Variants in DCAF4L1 observed in about 807,000 individuals in gnomAD.
DCAF4L1 encodes the protein DDB1- and CUL4-associated factor 4-like protein 1.
Under a neutral mutation model 28.2 loss-of-function variants are expected in DCAF4L1, and 4 were observed. That is an observed-to-expected ratio of 0.14 (90% CI 0.07 to 0.33). The LOEUF (loss-of-function observed/expected upper bound fraction) is 0.33, where lower values mean the gene tolerates loss of function less well. DCAF4L1 is among the 10% of genes least tolerant of loss of function. The probability of loss-of-function intolerance (pLI) is 1.00; values close to 1 mark genes in which losing one functional copy is unlikely to be tolerated. For missense variants in DCAF4L1, 331 were observed against 506.1 expected (o/e 0.65, Z 3.32); for synonymous variants, 252 against 212.1 (o/e 1.19, Z -1.63).
rs1281224909 is a variant in DCAF4L1 at position 41,982,264 on chromosome 4, C to T, written c.472C>T (p.Leu158=). The change falls in exon 1 of 1, where the codon CTG becomes TTG. Residue 158 remains leucine, a synonymous_variant. Transcript: ENST00000333141. The surrounding 1 kb of genome is among the most constrained non-coding windows in gnomAD (Gnocchi z 4.4). The stretch of plus-strand genomic sequence containing the variant: ...CACAGATGCTCCAAGCTGTGCAGTG[C>T]TGCTCCCAGCGTCGCGGTTCTTAAG... ...GITDAPSCAV[L]LPASRFLSVH... 1 of 1,614,114 alleles carries T rather than the reference C, an allele frequency of 6.2e-7. No homozygotes were observed. The highest frequency in any genetic ancestry group is 1.3e-5 in the African/African-American group (1 of 74,934).
chr4:41,985,762 TAAAG>T lies in DCAF4L1; in HGVS notation c.*2781_*2784del, dbSNP rs1335462558. ...AAATCCTGCAAACATAATGTTGAAA[TAAAG>T]ATGCCAAACACAAAAGAGCACATAT... On this transcript the variant is annotated 3_prime_UTR_variant, in exon 1 of 1. Transcript: ENST00000333141. 1 of 166,992 alleles carries T rather than the reference TAAAG, an allele frequency of 6.0e-6. No homozygotes were observed. The highest frequency in any genetic ancestry group is 1.5e-5 in the Non-Finnish European group (1 of 68,106). 10.3% of individuals were successfully genotyped at this position (166,992 alleles called of 1,614,324 possible).
chr4:41,985,936 C>T lies in DCAF4L1; in HGVS notation c.*2953C>T, dbSNP rs1045427078. On this transcript the variant is annotated 3_prime_UTR_variant, in exon 1 of 1. Transcript: ENST00000333141. ...CTAGCAATGCTGGTGTCATGCCAGA[C>T]CCCTAGTGACTCCAATAGTAATGGC... 1.2e-5 allele frequency: 2 copies of T among 167,078 alleles called. No individual in the cohort carries two copies. The highest frequency in any genetic ancestry group is 2.9e-5 in the Non-Finnish European group (2 of 68,126). The allele number at this position is 167,078 out of a possible 1,614,324, so 10.3% of individuals were successfully genotyped here. A position where few individuals can be genotyped will look rare whatever the true frequency, so the allele number is the denominator to read the frequency against.
At position 41,983,120 on chromosome 4, in the gene DCAF4L1, T is replaced by C; in HGVS notation, c.*137T>C. The C allele has an allele frequency of 1.4e-6, 1 of 736,118 alleles. No homozygotes were observed. Among genetic ancestry groups the C allele is most frequent in the South Asian group, 1.9e-5 (1 of 51,598 alleles). 45.6% of individuals were successfully genotyped at this position (736,118 alleles called of 1,614,324 possible). On this transcript the variant is annotated 3_prime_UTR_variant, in exon 1 of 1. Coordinates refer to ENST00000333141, the MANE Select transcript of DCAF4L1 (RefSeq NM_001029955.4). ...CCATCCGGCTGCCAGGGGTAAGGTG[T>C]TAAGAGTTTTATGTGGAGACGTTCT...
At position 41,986,010 on chromosome 4, in the gene DCAF4L1, G is replaced by C. The variant is rs1350137251; in HGVS notation, c.*3027G>C. The stretch of plus-strand genomic sequence containing the variant: ...GATGCGTAGACAGCGAACAAGACTT[G>C]GGTTTATTGGGGGAACTTATATATA... On this transcript the variant is annotated 3_prime_UTR_variant, in exon 1 of 1. Coordinates refer to ENST00000333141, the MANE Select transcript of DCAF4L1 (RefSeq NM_001029955.4). 1 of 167,134 alleles carries C rather than the reference G, an allele frequency of 6.0e-6. No homozygotes were observed. Among genetic ancestry groups the C allele is most frequent in the Non-Finnish European group, 1.5e-5 (1 of 68,160 alleles). 10.4% of individuals were successfully genotyped at this position (167,134 alleles called of 1,614,324 possible).
rs1491376298 is a variant in DCAF4L1 at position 41,984,439 on chromosome 4, G to GTTT, written c.*1456_*1457insTTT. 5 of 79,052 alleles carry GTTT rather than the reference G, an allele frequency of 6.3e-5. No homozygotes were observed. The highest frequency in any genetic ancestry group is 1.9e-4 in the Admixed American group (1 of 5,308). The allele number at this position is 79,052 out of a possible 1,614,324, so 4.9% of individuals were successfully genotyped here. On this transcript the variant is annotated 3_prime_UTR_variant, in exon 1 of 1. Coordinates refer to ENST00000333141, the MANE Select transcript of DCAF4L1 (RefSeq NM_001029955.4). ...GAAAGTGAAAGAAAAAAGGATGGCA[G>GTTT]CTTTTTTTTTTTTTTTTTTGAGACG...
In DCAF4L1 at chr4:41,986,419, A is replaced by T. The variant is rs1482313738; in HGVS notation, c.*3436A>T. On this transcript the variant is annotated 3_prime_UTR_variant, in exon 1 of 1. Transcript: ENST00000333141. ...ATTGTTAGAGCTATGCCCTTAATAT[A>T]TGTCTTGTGTGTATTATACTTCAAT... 1 of 166,938 alleles carries T rather than the reference A, an allele frequency of 6.0e-6. No homozygotes were observed. Among genetic ancestry groups the T allele is most frequent in the Non-Finnish European group, 1.5e-5 (1 of 68,112 alleles). 10.3% of individuals were successfully genotyped at this position (166,938 alleles called of 1,614,324 possible). A position where few individuals can be genotyped will look rare whatever the true frequency, so the allele number is the denominator to read the frequency against.
chr4:41,982,716 C>T lies in DCAF4L1; in HGVS notation c.924C>T (p.Tyr308=). The T allele has an allele frequency of 6.2e-7, 1 of 1,614,162 alleles. No individual in the cohort carries two copies. Among genetic ancestry groups the T allele is most frequent in the Non-Finnish European group, 8.5e-7 (1 of 1,180,034 alleles). ...DLRATKCVRQ[Y]EGHVNESAYL... is the part of the protein sequence containing the mutation. Reference sequence around the variant, plus strand: ...GGGCCACTAAATGTGTAAGGCAGTACGAAGGTCACGTGAATGAGTCCGCCT... The same window carrying T: ...GGGCCACTAAATGTGTAAGGCAGTATGAAGGTCACGTGAATGAGTCCGCCT... Residue 308 remains tyrosine, a synonymous_variant, in exon 1 of 1, where the codon TAC becomes TAT. Coordinates refer to ENST00000333141, the MANE Select transcript of DCAF4L1 (RefSeq NM_001029955.4). This position sits in a 1 kb window ranked among gnomAD's most constrained non-coding sequence, Gnocchi z 4.4.
Position 41,982,623 on chromosome 4 carries a change from A to C in DCAF4L1, c.831A>C (p.Gln277His), listed in dbSNP as rs748917210. Residue 277 changes from glutamine (Q) to histidine (H), a missense_variant, in exon 1 of 1, where the codon CAA (glutamine) becomes CAC (histidine). Coordinates refer to ENST00000333141, the MANE Select transcript of DCAF4L1 (RefSeq NM_001029955.4). The surrounding 1 kb of genome is among the most constrained non-coding windows in gnomAD (Gnocchi z 4.4). ...ATGACTCAGCAGTGACCTCTGTGCA[A>C]ATCCTCCAAGAAGAGCAATGCCTGA... ...LFHDSAVTSV[Q>H]ILQEEQCLMA... The C allele has an allele frequency of 5.0e-6, 8 of 1,614,096 alleles. No homozygotes were observed. Among genetic ancestry groups the C allele is most frequent in the Non-Finnish European group, 6.8e-6 (8 of 1,180,042 alleles).
At position 41,984,164 on chromosome 4, in the gene DCAF4L1, TTTTC is replaced by T. The variant is rs1450937055; in HGVS notation, c.*1185_*1188del. On this transcript the variant is annotated 3_prime_UTR_variant, in exon 1 of 1. Transcript: ENST00000333141. ...ATGGGGAAGCTTTAGGAATGCTGAGTTTTCTTTATCTTGACACTTGATACATACG... is the reference window on the plus strand; with the variant it reads ...ATGGGGAAGCTTTAGGAATGCTGAGTTTTATCTTGACACTTGATACATACG... The T allele has an allele frequency of 2.4e-5, 4 of 166,364 alleles. No individual in the cohort carries two copies. The highest frequency in any genetic ancestry group is 1.5e-5 in the Non-Finnish European group (1 of 68,108). The allele number at this position is 166,364 out of a possible 1,614,324, so 10.3% of individuals were successfully genotyped here. A position where few individuals can be genotyped will look rare whatever the true frequency, so the allele number is the denominator to read the frequency against.
rs1166894685 is a variant in DCAF4L1 at position 41,983,001 on chromosome 4, C to CG, written c.*20dup. ...TCAGCTAATTCTGCAGGTGGCAGCGCGGCCGAATGTGGATTTGACTTAAGG... is the reference window on the plus strand; with the variant it reads ...TCAGCTAATTCTGCAGGTGGCAGCGCGGGCCGAATGTGGATTTGACTTAAGG... On this transcript the variant is annotated 3_prime_UTR_variant, in exon 1 of 1. Transcript: ENST00000333141. 1 of 1,573,654 alleles carries CG rather than the reference C, an allele frequency of 6.4e-7. No individual in the cohort carries two copies. Among genetic ancestry groups the CG allele is most frequent in the Middle Eastern group, 1.7e-4 (1 of 5,848 alleles).
Position 41,983,000 on chromosome 4 carries a change from G to C in DCAF4L1, c.*17G>C. The C allele has an allele frequency of 1.9e-6, 3 of 1,574,704 alleles. No individual in the cohort carries two copies. The highest frequency in any genetic ancestry group is 1.2e-5 in the South Asian group (1 of 84,658). On this transcript the variant is annotated 3_prime_UTR_variant, in exon 1 of 1. Transcript: ENST00000333141. The surrounding 1 kb of genome is among the most constrained non-coding windows in gnomAD (Gnocchi z 4.4). ...TTCAGCTAATTCTGCAGGTGGCAGC[G>C]CGGCCGAATGTGGATTTGACTTAAG...
rs1023875740 is a variant in DCAF4L1, at chr4:41,983,803, G to GA, written c.*828dup. 9 of 166,542 alleles carry GA rather than the reference G, an allele frequency of 5.4e-5. No individual in the cohort carries two copies. The highest frequency in any genetic ancestry group is 2.1e-4 in the South Asian group (1 of 4,812). 10.3% of individuals were successfully genotyped at this position (166,542 alleles called of 1,614,324 possible). The stretch of plus-strand genomic sequence containing the variant: ...GCCTGTTTTTCTACTAAGCAAGGAA[G>GA]AAAAAAAACGTGTAATAAGGTTAGT... On this transcript the variant is annotated 3_prime_UTR_variant, in exon 1 of 1. Coordinates refer to ENST00000333141, the MANE Select transcript of DCAF4L1 (RefSeq NM_001029955.4).
rs892598938 is a variant in DCAF4L1, at chr4:41,984,147, G to C, written c.*1164G>C. 1 of 166,068 alleles carries C rather than the reference G, an allele frequency of 6.0e-6. No individual in the cohort carries two copies. Among genetic ancestry groups the C allele is most frequent in the African/African-American group, 2.4e-5 (1 of 41,428 alleles). The allele number at this position is 166,068 out of a possible 1,614,324, so 10.3% of individuals were successfully genotyped here. On this transcript the variant is annotated 3_prime_UTR_variant, in exon 1 of 1. Coordinates refer to ENST00000333141, the MANE Select transcript of DCAF4L1 (RefSeq NM_001029955.4). ...GATGTTTGAGAAGTGACATGGGGAA[G>C]CTTTAGGAATGCTGAGTTTTCTTTA... is the stretch of plus-strand genomic sequence containing the variant.
At position 41,985,074 on chromosome 4, in the gene DCAF4L1, T is replaced by C. The variant is rs1208102683; in HGVS notation, c.*2091T>C. On this transcript the variant is annotated 3_prime_UTR_variant, in exon 1 of 1. Coordinates refer to ENST00000333141, the MANE Select transcript of DCAF4L1 (RefSeq NM_001029955.4). ...AATTAATGAAGAAAAGACATTGCAA[T>C]CATTCAGTAAGAACTAGCTGCAGAC... 2 of 166,854 alleles carry C rather than the reference T, an allele frequency of 1.2e-5. No individual in the cohort carries two copies. Among genetic ancestry groups the C allele is most frequent in the East Asian group, 3.8e-4 (2 of 5,196 alleles). The allele number at this position is 166,854 out of a possible 1,614,324, so 10.3% of individuals were successfully genotyped here. A position where few individuals can be genotyped will look rare whatever the true frequency, so the allele number is the denominator to read the frequency against.
rs1714074669 is a variant in DCAF4L1 at position 41,984,027 on chromosome 4, G to T, written c.*1044G>T. 1 of 164,566 alleles carries T rather than the reference G, an allele frequency of 6.1e-6. No homozygotes were observed. 10.2% of individuals were successfully genotyped at this position (164,566 alleles called of 1,614,324 possible). A position where few individuals can be genotyped will look rare whatever the true frequency, so the allele number is the denominator to read the frequency against. ...ACAAACTGTATGATTCAATTCTAAAGTTCAAAAGCAGTAAAAACTTGTCTA... is the reference window on the plus strand; with the variant it reads ...ACAAACTGTATGATTCAATTCTAAATTTCAAAAGCAGTAAAAACTTGTCTA... On this transcript the variant is annotated 3_prime_UTR_variant, in exon 1 of 1. Transcript: ENST00000333141.
Position 41,985,245 on chromosome 4 carries a change from C to T in DCAF4L1, c.*2262C>T, listed in dbSNP as rs905732017. On this transcript the variant is annotated 3_prime_UTR_variant, in exon 1 of 1. Coordinates refer to ENST00000333141, the MANE Select transcript of DCAF4L1 (RefSeq NM_001029955.4). ...AAAAAAATCAGTAAGAAAAACACACCTAAAAGAAAGGGAGGCAATAGTCTT... is the reference window on the plus strand; with the variant it reads ...AAAAAAATCAGTAAGAAAAACACACTTAAAAGAAAGGGAGGCAATAGTCTT... 2 of 166,484 alleles carry T rather than the reference C, an allele frequency of 1.2e-5. No individual in the cohort carries two copies. The highest frequency in any genetic ancestry group is 4.8e-5 in the African/African-American group (2 of 41,270). 10.3% of individuals were successfully genotyped at this position (166,484 alleles called of 1,614,324 possible).
In DCAF4L1 at chr4:41,985,373, A is replaced by C. The variant is rs1221687046; in HGVS notation, c.*2390A>C. 2 of 167,064 alleles carry C rather than the reference A, an allele frequency of 1.2e-5. No individual in the cohort carries two copies. Among genetic ancestry groups the C allele is most frequent in the Non-Finnish European group, 2.9e-5 (2 of 68,116 alleles). The allele number at this position is 167,064 out of a possible 1,614,324, so 10.3% of individuals were successfully genotyped here. A position where few individuals can be genotyped will look rare whatever the true frequency, so the allele number is the denominator to read the frequency against. On this transcript the variant is annotated 3_prime_UTR_variant, in exon 1 of 1. Coordinates refer to ENST00000333141, the MANE Select transcript of DCAF4L1 (RefSeq NM_001029955.4). ...ATGCAAATTAAAACCACAATGCCAC[A>C]CCACTTTCACTATAATGGTTAAAAT... is the stretch of plus-strand genomic sequence containing the variant.
In DCAF4L1 at chr4:41,982,591, C is replaced by A. The variant is rs992079387; in HGVS notation, c.799C>A (p.Leu267Met). ...NRGKGWRATR[L>M]FHDSAVTSVQ... ...AGGCAAGGGGTGGAGGGCCACTCGC[C>A]TGTTCCATGACTCAGCAGTGACCTC... Residue 267 changes from leucine (L) to methionine (M), a missense_variant, in exon 1 of 1, where the codon CTG (leucine) becomes ATG (methionine). Leu to Met is a conservative substitution (Grantham distance 15, BLOSUM62 2). Transcript: ENST00000333141. The surrounding 1 kb of genome is among the most constrained non-coding windows in gnomAD (Gnocchi z 4.4). 16 of 1,614,104 alleles carry A rather than the reference C, an allele frequency of 9.9e-6. No individual in the cohort carries two copies. In the African/African-American group the frequency reaches 1.3e-4, roughly 13 times the overall value.
chr4:41,983,506 A>C lies in DCAF4L1; in HGVS notation c.*523A>C, dbSNP rs949518617. 1.2e-5 allele frequency: 2 copies of C among 167,494 alleles called. No individual in the cohort carries two copies. Among genetic ancestry groups the C allele is most frequent in the African/African-American group, 4.8e-5 (2 of 41,448 alleles). 10.4% of individuals were successfully genotyped at this position (167,494 alleles called of 1,614,324 possible). A position where few individuals can be genotyped will look rare whatever the true frequency, so the allele number is the denominator to read the frequency against. On this transcript the variant is annotated 3_prime_UTR_variant, in exon 1 of 1. Transcript: ENST00000333141. ...TAAGGCTGGAGTTTGGAATCATTAAATTTGGCCTTCTCAAACTCAATAGCA... is the reference window on the plus strand; with the variant it reads ...TAAGGCTGGAGTTTGGAATCATTAACTTTGGCCTTCTCAAACTCAATAGCA...
Sources: gnomAD v4.1 joint callset for allele counts on GRCh38, gnomAD v4.1.1 for gene constraint, Gnocchi (gnomAD v3.1) non-coding constraint, MANE v1.5 for transcripts, NCBI Gene and HGNC (gene_info 2026-07-23, HGNC 2026-07-21) for gene names.